The following SCIN variants were observed in gnomAD, a reference collection of about 807,000 sequenced individuals.
SCIN encodes adseverin.
SCIN carries 91 observed loss-of-function variants against 91.8 expected under a neutral mutation model. That is an observed-to-expected ratio of 0.99 (90% CI 0.84 to 1.18). The LOEUF (loss-of-function observed/expected upper bound fraction) is 1.18. Ranked by LOEUF, SCIN falls within the 50% of genes most tolerant of loss-of-function variation. The probability of loss-of-function intolerance (pLI) is 0.00; values close to 1 mark genes in which losing one functional copy is unlikely to be tolerated. For synonymous variants in SCIN, 367 were observed against 312.6 expected, an observed-to-expected ratio of 1.17 and a Z score of -1.84; for missense variants, 1,087 against 863.9, an observed-to-expected ratio of 1.26 and a Z score of -3.24.
At chr7:12,625,485 C>T (rs536619299) in intron 6 of SCIN, among the ~76,000 whole-genome samples, 7 of 144,502 alleles carry the variant, frequency 4.8e-5, no homozygotes, top group African/African-American at 1.0e-4. Flanking sequence ...CCCGCCACCA[C>T]GCCCAGCTAA....
At chr7:12,622,976 C>T in intron 5 of SCIN, 83 bp downstream of exon 5, 1 of 925,500 alleles carries the variant, frequency 1.1e-6, no homozygotes, top group Non-Finnish European at 1.7e-6. Flanking sequence ...ATTCCCGTTG[C>T]TGCAGTTGAG....
chr7:12,590,457 G>A (rs1782695417), intron 3 of SCIN, among the ~76,000 whole-genome samples: 1 of 152,100 alleles, frequency 6.6e-6, no homozygotes, highest in Admixed American at 6.5e-5. Flanking sequence ...GAAGGAGTAG[G>A]TATGGGGGCG....
Position 12,629,186 on chromosome 7 carries a change from T to C in SCIN, c.1283T>C (p.Leu428Pro). 1 of 1,613,080 alleles carries C rather than the reference T, an allele frequency of 6.2e-7. No individual in the cohort carries two copies. Among genetic ancestry groups the C allele is most frequent in the Non-Finnish European group, 8.5e-7 (1 of 1,179,488 alleles). ...EFYGGDCYII[L>P]YTYPRGQIIY... ...TATGGTGGTGACTGCTACATCATACTCTACACCTATCCCAGAGGACAGATT... is the reference window on the plus strand; with the variant it reads ...TATGGTGGTGACTGCTACATCATACCCTACACCTATCCCAGAGGACAGATT... Residue 428 changes from leucine (L) to proline (P), a missense_variant, in exon 9 of 16, where the codon CTC becomes CCC. Physicochemically the swap from Leu to Pro is moderately conservative, Grantham distance 98 (BLOSUM62 -3). Coordinates refer to ENST00000297029, the MANE Select transcript of SCIN (RefSeq NM_001112706.3).
Position 12,652,964 on chromosome 7 carries a change from G to A in SCIN, c.*249G>A, listed in dbSNP as rs532730068. On this transcript the variant is annotated 3_prime_UTR_variant, in exon 16 of 16. Coordinates refer to ENST00000297029, the MANE Select transcript of SCIN (RefSeq NM_001112706.3). ...CTAAAAATACAAAAAAATTAGCTGCGCGTGGTGGTGCACGCCTGTAGTCCC... is the reference window on the plus strand; with the variant it reads ...CTAAAAATACAAAAAAATTAGCTGCACGTGGTGGTGCACGCCTGTAGTCCC... 6.9e-4 allele frequency: 243 copies of A among 351,720 alleles called. 1 individual carries two copies. Among genetic ancestry groups the A allele is most frequent in the South Asian group, 6.1e-3 (219 of 35,990 alleles). 21.8% of individuals were successfully genotyped at this position (351,720 alleles called of 1,614,324 possible).
At chr7:12,622,026 A>C (rs188446617) in intron 4 of SCIN, among the ~76,000 whole-genome samples, 367 of 151,970 alleles carry the variant, frequency 2.4e-3, no homozygotes, top group Non-Finnish European at 4.1e-3. Context: ...AAATTATTTA[A>C]AATAAGTTTA....
intron 10 of SCIN, among the ~76,000 whole-genome samples, chr7:12,639,568 T>C (rs1420920413): frequency 6.6e-6 from 1 of 152,168 alleles, no homozygotes; most frequent in Non-Finnish European, 1.5e-5. Flanking sequence ...AATGCATCAA[T>C]AGTTTGTGTG....
chr7:12,616,572 A>C (rs1287911620), intron 4 of SCIN, among the ~76,000 whole-genome samples: 1 of 152,160 alleles, frequency 6.6e-6, no homozygotes, highest in Non-Finnish European at 1.5e-5. Context: ...AAAACACTGC[A>C]CTGAAAGTTA....
At chr7:12,576,177 T>C (rs567061201) in intron 1 of SCIN, among the ~76,000 whole-genome samples, 1 of 152,276 alleles carries the variant, frequency 6.6e-6, no homozygotes, top group East Asian at 1.9e-4. Context: ...TAAGGCATCA[T>C]AAAAATCTAC....
At chr7:12,621,637 G>GTTTTTT (rs60697843) in intron 4 of SCIN, among the ~76,000 whole-genome samples, 1 of 106,372 alleles carries the variant, frequency 9.4e-6, no homozygotes, top group Non-Finnish European at 1.9e-5. Context: ...AAGTGTTTTA[G>GTTTTTT]TTTTTTTTTT....
chr7:12,640,760 T>G (rs1271298103), intron 11 of SCIN, among the ~76,000 whole-genome samples: 4 of 152,232 alleles, frequency 2.6e-5, no homozygotes, highest in African/African-American at 4.8e-5. Context: ...TTTTTAAGAA[T>G]ACTGTCACAA....
Position 12,571,676 on chromosome 7 carries a change from G to A in SCIN, c.199+691G>A, listed in dbSNP as rs1244152215. On this transcript the variant is annotated intron_variant, in intron 1 of 15. Coordinates refer to ENST00000297029, the MANE Select transcript of SCIN (RefSeq NM_001112706.3). ...TATACAAATAAATAGCTCTATATGG[G>A]TATTTCATATATTTATGTAGACTGC... is the stretch of plus-strand genomic sequence containing the variant. 9.8e-6 allele frequency: 4 copies of A among 410,074 alleles called. No individual in the cohort carries two copies. The East Asian group carries it at 3.0e-4, about 30-fold the overall frequency. The allele number at this position is 410,074 out of a possible 1,614,324, so 25.4% of individuals were successfully genotyped here. A position where few individuals can be genotyped will look rare whatever the true frequency, so the allele number is the denominator to read the frequency against.
intron 3 of SCIN, chr7:12,595,575 G>T: frequency 6.6e-6 from 1 of 152,014 alleles, no homozygotes; most frequent in Non-Finnish European, 1.5e-5. Flanking sequence ...TTGCTGGATA[G>T]GGGCAATGGT....
At chr7:12,632,656 G>C (rs999780336) in intron 9 of SCIN, among the ~76,000 whole-genome samples, 2 of 152,176 alleles carry the variant, frequency 1.3e-5, no homozygotes, top group African/African-American at 4.8e-5. Flanking sequence ...AGAAGACAAA[G>C]TTGAGGATGA....
chr7:12,644,593 G>A lies in SCIN; in HGVS notation c.1769G>A (p.Trp590Ter), dbSNP rs777603918. ...AGTGTGTTTTCCACAGAGGAGTTCT[G>A]GAATTCCCTTGGAGGGAAAAAAGAC... is the stretch of plus-strand genomic sequence containing the variant. ...IQEGEEPEEF[W>*]NSLGGKKDYQ... Residue 590 changes from tryptophan (W) to a stop codon, truncating the protein, a stop_gained, in exon 13 of 16, where the codon TGG (tryptophan) becomes TAG (stop). Coordinates refer to ENST00000297029, the MANE Select transcript of SCIN (RefSeq NM_001112706.3). LOFTEE classifies it high-confidence loss of function. 13 of 1,611,830 alleles carry A rather than the reference G, an allele frequency of 8.1e-6. No homozygotes were observed. In the South Asian group the frequency reaches 1.2e-4, roughly 15 times the overall value.
intron 3 of SCIN, among the ~76,000 whole-genome samples, chr7:12,586,427 G>A (rs1782587869): frequency 6.6e-6 from 1 of 152,020 alleles, no homozygotes. Context: ...AACACACACA[G>A]AAAAGACAAA....
At position 12,655,701 on chromosome 7, in the gene SCIN, G is replaced by A. The variant is rs893910834; in HGVS notation, c.*2986G>A. On this transcript the variant is annotated 3_prime_UTR_variant, in exon 16 of 16. Coordinates refer to ENST00000297029, the MANE Select transcript of SCIN (RefSeq NM_001112706.3). Reference sequence around the variant, plus strand: ...TGATCCATAGCACAGTATTACTTTTGTAAACATACACAAAAAATATTATAT... The same window carrying A: ...TGATCCATAGCACAGTATTACTTTTATAAACATACACAAAAAATATTATAT... 4.6e-5 allele frequency: 7 copies of A among 152,110 alleles called. No homozygotes were observed. The highest frequency in any genetic ancestry group is 1.7e-4 in the African/African-American group (7 of 41,410). 9.4% of individuals were successfully genotyped at this position (152,110 alleles called of 1,614,324 possible). A position where few individuals can be genotyped will look rare whatever the true frequency, so the allele number is the denominator to read the frequency against.
In SCIN at chr7:12,625,844, T is replaced by C. The variant is rs1783509654; in HGVS notation, c.975T>C (p.Asn325=). Residue 325 remains asparagine, a synonymous_variant, in exon 7 of 16, where the codon AAT becomes AAC. Coordinates refer to ENST00000297029, the MANE Select transcript of SCIN (RefSeq NM_001112706.3). The part of the protein sequence containing the change: ...EFLQQMNYSK[N]TQIQVLPEGG... ...TACAGCAAATGAATTATTCCAAGAA[T>C]ACCCAAGTATGTGTGAAACTGAACT... 6.2e-7 allele frequency: 1 copy of C among 1,604,812 alleles called. No individual in the cohort carries two copies. The highest frequency in any genetic ancestry group is 8.5e-7 in the Non-Finnish European group (1 of 1,172,706).
In SCIN at chr7:12,572,320, A is replaced by G. The variant is rs540571997; in HGVS notation, c.199+1335A>G. Among the ~76,000 whole-genome samples the G allele has an allele frequency of 6.6e-5, 10 of 152,322 alleles. No homozygotes were observed. The East Asian group carries it at 7.7e-4, about 12-fold the overall frequency. On this transcript the variant is annotated intron_variant, in intron 1 of 15. Transcript: ENST00000297029. Reference sequence around the variant, plus strand: ...TTCTTGATGCATTGCTGTTATTCCTATTATAATGTTGTAATACACAGTCAT... The same window carrying G: ...TTCTTGATGCATTGCTGTTATTCCTGTTATAATGTTGTAATACACAGTCAT...
chr7:12,576,450 ATTCT>A (rs1782374381), intron 1 of SCIN, among the ~76,000 whole-genome samples: 2 of 151,990 alleles, frequency 1.3e-5, no homozygotes, highest in East Asian at 1.9e-4. Context: ...AGGAAATCTG[ATTCT>A]TTCTTTAATA....
Sources: allele counts gnomAD v4.1 joint callset (sites outside exome capture counted in the v4.1 genomes callset), GRCh38; gene constraint gnomAD v4.1.1; transcripts MANE v1.5; gene names NCBI Gene and HGNC (gene_info 2026-07-23, HGNC 2026-07-21).